SPOCK1: variants seen among roughly 807,000 people sequenced by gnomAD.
The protein encoded by SPOCK1 is testican-1.
Under a neutral mutation model 55.3 loss-of-function variants are expected in SPOCK1, and 23 were observed. The observed-to-expected ratio is 0.42, with a 90% confidence interval of 0.30 to 0.59. The LOEUF is 0.59. SPOCK1 is among the 20% of genes least tolerant of loss of function. The pLI is 0.22. For synonymous variants in SPOCK1, 226 were observed against 221.0 expected (o/e 1.02, Z -0.20); for missense variants, 499 against 552.5 (o/e 0.90, Z 0.97).
At position 137,391,791 on chromosome 5, in the gene SPOCK1, G is replaced by T. The variant is rs185736896; in HGVS notation, c.186+106582C>A. Reference sequence around the variant, plus strand: ...CAAGCATCCTAAATCATCTCCAACTGCTTCCTCTTGAGCTCCCAGTCTCTA... The same window carrying T: ...CAAGCATCCTAAATCATCTCCAACTTCTTCCTCTTGAGCTCCCAGTCTCTA... On this transcript the variant is annotated intron_variant, in intron 2 of 10. Coordinates refer to ENST00000394945, the MANE Select transcript of SPOCK1 (RefSeq NM_004598.4). Among the ~76,000 whole-genome samples the T allele has an allele frequency of 8.7e-4, 133 of 152,194 alleles. 1 individual carries two copies. Among genetic ancestry groups the T allele is most frequent in the Middle Eastern group, 3.4e-3 (1 of 294 alleles).
chr5:137,072,644 T>G (rs995689808), intron 5 of SPOCK1, among the ~76,000 whole-genome samples: 1 of 152,256 alleles, frequency 6.6e-6, no homozygotes, highest in African/African-American at 2.4e-5. Context: ...AAAGCACAGC[T>G]AACAACCTCT....
chr5:137,218,239 T>C (rs547927339), intron 3 of SPOCK1, among the ~76,000 whole-genome samples: 1 of 152,360 alleles, frequency 6.6e-6, no homozygotes. Flanking sequence ...AAGTAGAATC[T>C]TGGTCTCTTG....
intron 2 of SPOCK1, chr5:137,364,911 G>A (rs1362240759): frequency 6.6e-6 from 1 of 152,238 alleles, no homozygotes; most frequent in Non-Finnish European, 1.5e-5. Flanking sequence ...ATTAGGATCA[G>A]GTGACTTAGT....
chr5:137,281,271 C>T (rs1336524725), intron 2 of SPOCK1, among the ~76,000 whole-genome samples: 2 of 152,126 alleles, frequency 1.3e-5, no homozygotes, highest in Non-Finnish European at 2.9e-5. Context: ...ATTCACATAG[C>T]ACTAAAATCT....
At chr5:136,998,797 T>G (rs1751095136) in intron 6 of SPOCK1, among the ~76,000 whole-genome samples, 1 of 152,126 alleles carries the variant, frequency 6.6e-6, no homozygotes, top group African/African-American at 2.4e-5. Context: ...GGGGCTTCAT[T>G]AGAGAAAGGT....
chr5:137,305,155 T>G (rs1344783595), intron 2 of SPOCK1, among the ~76,000 whole-genome samples: 1 of 152,238 alleles, frequency 6.6e-6, no homozygotes, highest in African/African-American at 2.4e-5. Context: ...CAGGCTTATG[T>G]CTTTACACTG....
intron 9 of SPOCK1, among the ~76,000 whole-genome samples, chr5:136,981,046 G>C (rs1195693064): frequency 6.6e-6 from 1 of 152,066 alleles, no homozygotes; most frequent in Admixed American, 6.6e-5. Flanking sequence ...TATAGCAGTG[G>C]TTCTCAAAGT....
chr5:137,368,207 G>T (rs993501269), intron 2 of SPOCK1, among the ~76,000 whole-genome samples: 1 of 152,220 alleles, frequency 6.6e-6, no homozygotes, highest in Admixed American at 6.5e-5. Context: ...CCAGAGCTGG[G>T]AGAGTTGTTT....
chr5:137,180,412 T>A (rs1561463476), intron 3 of SPOCK1, among the ~76,000 whole-genome samples: 1 of 152,128 alleles, frequency 6.6e-6, no homozygotes, highest in Non-Finnish European at 1.5e-5. Context: ...CTCTGAAGCA[T>A]CAGACACATC....
intron 2 of SPOCK1, among the ~76,000 whole-genome samples, chr5:137,306,082 C>T (rs888630330): frequency 1.3e-5 from 2 of 152,074 alleles, no homozygotes; most frequent in East Asian, 1.9e-4. Flanking sequence ...GTCACCATGG[C>T]GTGGAAATGG....
At chr5:136,989,396 C>T (rs766198250) in intron 7 of SPOCK1, among the ~76,000 whole-genome samples, 3 of 152,214 alleles carry the variant, frequency 2.0e-5, no homozygotes, top group Non-Finnish European at 2.9e-5. Flanking sequence ...AGATTTAAAA[C>T]TCAACTTTTT....
chr5:137,308,136 AGTTCTTTGTATTCCCAACT>A (rs1353483331), intron 2 of SPOCK1, among the ~76,000 whole-genome samples: 1 of 152,214 alleles, frequency 6.6e-6, no homozygotes, highest in Non-Finnish European at 1.5e-5. Context: ...AATGTCCTAT[AGTTCTTTGTATTCCCAACT>A]GGACTTCAGC....
intron 3 of SPOCK1, among the ~76,000 whole-genome samples, chr5:137,149,520 G>C (rs773637953): frequency 3.3e-5 from 5 of 152,106 alleles, no homozygotes; most frequent in Non-Finnish European, 7.4e-5. Context: ...GGCATAAAAA[G>C]CATAGTAAAA....
intron 2 of SPOCK1, among the ~76,000 whole-genome samples, chr5:137,397,882 G>T (rs527249140): frequency 1.1e-4 from 16 of 152,274 alleles, no homozygotes; most frequent in African/African-American, 3.9e-4. Flanking sequence ...TGTCCACAGA[G>T]GCCAGCACTA....
At chr5:136,983,675 C>CTAAAACTACAATGCAATAATTAT (rs1342534661) in intron 9 of SPOCK1, among the ~76,000 whole-genome samples, 21 of 150,706 alleles carry the variant, frequency 1.4e-4, no homozygotes, top group African/African-American at 4.9e-4. Flanking sequence ...AGGTGCTGCT[C>CTAAAACTACAATGCAATAATTAT]TAAAACTACA....
chr5:137,011,659 G>A (rs1751350732), intron 6 of SPOCK1, among the ~76,000 whole-genome samples: 1 of 152,148 alleles, frequency 6.6e-6, no homozygotes, highest in African/African-American at 2.4e-5. Flanking sequence ...GCAATAAATT[G>A]CACTGATAAT....
At chr5:137,106,652 C>A (rs1438483313) in intron 5 of SPOCK1, among the ~76,000 whole-genome samples, 1 of 152,134 alleles carries the variant, frequency 6.6e-6, no homozygotes, top group African/African-American at 2.4e-5. Flanking sequence ...CTCCCTCACA[C>A]CAGGCCCAGA....
At position 136,976,400 on chromosome 5, in the gene SPOCK1, C is replaced by T. The variant is rs1422891261; in HGVS notation, c.*2254G>A. On this transcript the variant is annotated 3_prime_UTR_variant, in exon 11 of 11. Coordinates refer to ENST00000394945, the MANE Select transcript of SPOCK1 (RefSeq NM_004598.4). ...GTTAATGCTAAGGATCTTTAAGTGT[C>T]ATCTTAATTTGATACTTGTCATAAG... 1.3e-5 allele frequency: 2 copies of T among 152,738 alleles called. No homozygotes were observed. Among genetic ancestry groups the T allele is most frequent in the Non-Finnish European group, 2.9e-5 (2 of 68,024 alleles). The allele number at this position is 152,738 out of a possible 1,614,324, so 9.5% of individuals were successfully genotyped here.
intron 4 of SPOCK1, among the ~76,000 whole-genome samples, chr5:137,117,846 A>G (rs998483014): frequency 6.6e-6 from 1 of 152,226 alleles, no homozygotes; most frequent in Non-Finnish European, 1.5e-5. Context: ...CAGTTTCCAA[A>G]GCTGCATGAG....
Sources: gnomAD v4.1 joint callset for allele counts (sites outside exome capture counted in the v4.1 genomes callset) on GRCh38, gnomAD v4.1.1 for gene constraint, MANE v1.5 for transcripts, NCBI Gene and HGNC (gene_info 2026-07-23, HGNC 2026-07-21) for gene names.